RAD51B: variants seen among roughly 807,000 people sequenced by gnomAD.
RAD51B encodes the protein DNA repair protein RAD51 homolog 2.
RAD51B carries 38 observed loss-of-function variants against 42.2 expected under a neutral mutation model. The observed-to-expected ratio is 0.90, with a 90% CI of 0.70 to 1.18. RAD51B has a LOEUF of 1.18. RAD51B is among the 50% of genes most tolerant of loss of function. The pLI is 0.00. For missense variants in RAD51B, 373 were observed against 400.7 expected, an observed-to-expected ratio of 0.93 and a Z score of 0.59; for synonymous variants, 154 against 145.2, an observed-to-expected ratio of 1.06 and a Z score of -0.43.
chr14:68,592,255 G>A (rs913697110), intron 10 of RAD51B, among the ~76,000 whole-genome samples: 24 of 90,272 alleles, frequency 2.7e-4, no homozygotes, highest in African/African-American at 1.3e-3. Flanking sequence ...AGGCAATGAT[G>A]TGTGTGTGTG....
intron 8 of RAD51B, among the ~76,000 whole-genome samples, chr14:68,400,585 C>G (rs1256022082): frequency 6.6e-6 from 1 of 152,098 alleles, no homozygotes; most frequent in African/African-American, 2.4e-5. Context: ...ACAATGGGAG[C>G]AGGAAAGCAA....
At chr14:68,184,313 A>G (rs1360070644) in intron 7 of RAD51B, among the ~76,000 whole-genome samples, 1 of 152,042 alleles carries the variant, frequency 6.6e-6, no homozygotes, top group African/African-American at 2.4e-5. Flanking sequence ...ACAGCTCACT[A>G]CAACCTCTGC....
chr14:67,843,895 G>A (rs951657901), intron 4 of RAD51B, among the ~76,000 whole-genome samples: 2 of 150,906 alleles, frequency 1.3e-5, no homozygotes, highest in Non-Finnish European at 2.9e-5. Flanking sequence ...TGCTAGCTTT[G>A]GGGTTGGTTT....
intron 8 of RAD51B, chr14:68,306,603 T>G (rs757643020): frequency 1.9e-6 from 1 of 514,576 alleles, no homozygotes; most frequent in Non-Finnish European, 3.9e-6. Flanking sequence ...GAAACCACAG[T>G]GAGCATGGAA....
At chr14:68,443,921 A>G (rs1566888026) in intron 9 of RAD51B, among the ~76,000 whole-genome samples, 1 of 152,158 alleles carries the variant, frequency 6.6e-6, no homozygotes, top group Non-Finnish European at 1.5e-5. Context: ...TTCAAACCGA[A>G]TTCATGGATA....
intron 7 of RAD51B, among the ~76,000 whole-genome samples, chr14:67,897,549 A>G (rs771056891): frequency 3.9e-5 from 6 of 152,160 alleles, no homozygotes; most frequent in Admixed American, 6.5e-5. Context: ...AATCAAAACC[A>G]CAATAAGATA....
In RAD51B at chr14:67,895,905, C is replaced by G. The variant is rs2043399882; in HGVS notation, c.756+8701C>G. 1.3e-5 allele frequency among the ~76,000 whole-genome samples: 2 copies of G among 152,052 alleles called. 1 individual carries two copies. The highest frequency in any genetic ancestry group is 4.2e-4 in the South Asian group (2 of 4,808). On this transcript the variant is annotated intron_variant, in intron 7 of 10. Coordinates refer to ENST00000471583, the MANE Select transcript of RAD51B (RefSeq NM_133510.4). The stretch of plus-strand genomic sequence containing the variant: ...TCTTTCCTATCTGAGCTCTCAAGTT[C>G]TGTCTCTCCTCTGAGATTTTTGTAT...
At chr14:68,099,381 T>G (rs2077250573) in intron 7 of RAD51B, among the ~76,000 whole-genome samples, 1 of 152,230 alleles carries the variant, frequency 6.6e-6, no homozygotes, top group Non-Finnish European at 1.5e-5. Context: ...ATACTACTGA[T>G]TTCCTTTTCC....
In RAD51B at chr14:68,509,978, G is replaced by A. The variant is rs575651878; in HGVS notation, c.1036+41728G>A. Among the ~76,000 whole-genome samples, 9 of 152,254 alleles carry A rather than the reference G, an allele frequency of 5.9e-5. No homozygotes were observed. The South Asian group carries it at 8.3e-4, about 14-fold the overall frequency. On this transcript the variant is annotated intron_variant, in intron 10 of 10. Coordinates refer to the RAD51B transcript ENST00000487270. Reference sequence around the variant, plus strand: ...GAGGCCTCTGATAGTCCAGATCCTCGGTTTTAGCTCTGTTTACACAGGACC... The same window carrying A: ...GAGGCCTCTGATAGTCCAGATCCTCAGTTTTAGCTCTGTTTACACAGGACC...
chr14:68,242,268 G>A (rs538298907), intron 7 of RAD51B, among the ~76,000 whole-genome samples: 7 of 152,120 alleles, frequency 4.6e-5, no homozygotes, highest in Admixed American at 2.0e-4. Flanking sequence ...TTCAAGGTAC[G>A]CTCCGTAGCT....
At chr14:67,958,852 T>C (rs116753115) in intron 7 of RAD51B, among the ~76,000 whole-genome samples, 1 of 152,310 alleles carries the variant, frequency 6.6e-6, no homozygotes, top group African/African-American at 2.4e-5. Context: ...ACTATTAAGT[T>C]TAGTTTTATT....
chr14:67,842,818 GGTC>G (rs2041473952), intron 4 of RAD51B, among the ~76,000 whole-genome samples: 1 of 152,114 alleles, frequency 6.6e-6, no homozygotes, highest in Non-Finnish European at 1.5e-5. Flanking sequence ...GTCATAAATG[GGTC>G]TTAGTATTTT....
chr14:67,962,875 G>A (rs1595173213), intron 7 of RAD51B, among the ~76,000 whole-genome samples: 1 of 152,142 alleles, frequency 6.6e-6, no homozygotes, highest in East Asian at 1.9e-4. Flanking sequence ...AAATTGGAAG[G>A]TAGGTAGAAG....
intron 7 of RAD51B, among the ~76,000 whole-genome samples, chr14:68,002,425 G>A (rs150508430): frequency 0.013 from 2,028 of 152,148 alleles, 17 homozygotes; most frequent in Non-Finnish European, 0.019. Flanking sequence ...GTAGATGCTG[G>A]ATGTTAGACC....
At chr14:68,095,355 C>T (rs1400658067) in intron 7 of RAD51B, among the ~76,000 whole-genome samples, 2 of 151,880 alleles carry the variant, frequency 1.3e-5, no homozygotes, top group Non-Finnish European at 2.9e-5. Flanking sequence ...CCCACCAGTG[C>T]TCTTGAAGAG....
At chr14:68,222,491 A>G (rs1566739407) in intron 7 of RAD51B, among the ~76,000 whole-genome samples, 1 of 152,030 alleles carries the variant, frequency 6.6e-6, no homozygotes, top group Non-Finnish European at 1.5e-5. Context: ...ACACAAAGGC[A>G]TAAGAATGAT....
At chr14:68,025,172 C>A (rs1247011992) in intron 7 of RAD51B, among the ~76,000 whole-genome samples, 1 of 151,980 alleles carries the variant, frequency 6.6e-6, no homozygotes, top group Non-Finnish European at 1.5e-5. Context: ...GTTGAGCTAG[C>A]CTTGCATCTC....
intron 10 of RAD51B, among the ~76,000 whole-genome samples, chr14:68,609,099 C>A (rs1294186869): frequency 1.3e-5 from 2 of 152,186 alleles, no homozygotes; most frequent in Non-Finnish European, 2.9e-5. Context: ...CTTGTGCCCC[C>A]GCCTCTCCCT....
intron 10 of RAD51B, among the ~76,000 whole-genome samples, chr14:68,558,084 C>T (rs548685623): frequency 2.5e-4 from 38 of 152,348 alleles, no homozygotes; most frequent in Non-Finnish European, 4.0e-4. Flanking sequence ...GTGCTGTTCT[C>T]GTCCTCTCTC....
Sources: gnomAD v4.1 joint callset for allele counts (sites outside exome capture counted in the v4.1 genomes callset) on GRCh38, gnomAD v4.1.1 for gene constraint, MANE v1.5 for transcripts, NCBI Gene and HGNC (gene_info 2026-07-23, HGNC 2026-07-21) for gene names.